USP6NL: variants seen among roughly 807,000 people sequenced by gnomAD.
USP6NL encodes USP6 N-terminal like.
USP6NL carries 26 observed loss-of-function variants against 61.9 expected under a neutral mutation model. The observed-to-expected ratio is 0.42, with a 90% confidence interval of 0.31 to 0.58. The LOEUF (loss-of-function observed/expected upper bound fraction) is 0.58, where lower values mean the gene tolerates loss of function less well. Among genes scored for constraint, USP6NL ranks in the 20% least tolerant of loss-of-function variants. USP6NL has a pLI of 0.16. For missense variants in USP6NL, 1,114 were observed against 1,034.3 expected, an observed-to-expected ratio of 1.08 and a Z score of -1.06; for synonymous variants, 432 against 390.1, an observed-to-expected ratio of 1.11 and a Z score of -1.27.
rs142649349 is a variant in USP6NL at position 11,528,128 on chromosome 10, G to GACACACACAC, written c.5-571_5-562dup. Among the ~76,000 whole-genome samples the GACACACACAC allele has an allele frequency of 4.8e-3, 682 of 142,254 alleles. 2 individuals are homozygous for GACACACACAC. The highest frequency in any genetic ancestry group is 5.2e-3 in the South Asian group (23 of 4,434). The allele number at this position is 142,254 out of a possible 152,430, so 93.3% of individuals were successfully genotyped here. On this transcript the variant is annotated intron_variant, in intron 2 of 14. Coordinates refer to ENST00000609104, the MANE Select transcript of USP6NL (RefSeq NM_014688.5). The surrounding 1 kb of genome is among the most constrained non-coding windows in gnomAD (Gnocchi z 4.6). ...ACATATGTGTGTGGACACACACACAGACACACACACACACACACACACACA... is the reference window on the plus strand; with the variant it reads ...ACATATGTGTGTGGACACACACACAGACACACACACACACACACACACACACACACACACA...
At chr10:11,558,340 T>A (rs528012872) in intron 2 of USP6NL, among the ~76,000 whole-genome samples, 1 of 152,326 alleles carries the variant, frequency 6.6e-6, no homozygotes, top group East Asian at 1.9e-4. Flanking sequence ...TTCTGGCCCT[T>A]ACTAAAAAGG....
At chr10:11,560,716 A>G (rs12221340) in intron 2 of USP6NL, among the ~76,000 whole-genome samples, 1 of 87,960 alleles carries the variant, frequency 1.1e-5, no homozygotes, top group African/African-American at 3.1e-5. Flanking sequence ...TATATATATT[A>G]TATATATATA....
At position 11,532,105 on chromosome 10, in the gene USP6NL, C is replaced by A; in HGVS notation, c.5-4538G>T. 9.0e-7 allele frequency: 1 copy of A among 1,110,954 alleles called. No homozygotes were observed. Among genetic ancestry groups the A allele is most frequent in the Non-Finnish European group, 1.3e-6 (1 of 779,408 alleles). 68.8% of individuals were successfully genotyped at this position (1,110,954 alleles called of 1,614,324 possible). Reference sequence around the variant, plus strand: ...CAATAAAATAAAATTTACAGCAGACCATTTTTCCTAGAGTACATTTTGACA... The same window carrying A: ...CAATAAAATAAAATTTACAGCAGACAATTTTTCCTAGAGTACATTTTGACA... On this transcript the variant is annotated intron_variant, in intron 2 of 14. Coordinates refer to ENST00000609104, the MANE Select transcript of USP6NL (RefSeq NM_014688.5). The surrounding 1 kb of genome is among the most constrained non-coding windows in gnomAD (Gnocchi z 4.1).
Position 11,485,069 on chromosome 10 carries a change from G to C in USP6NL, c.827C>G (p.Thr276Ser), listed in dbSNP as rs1168985765. 1 of 1,542,070 alleles carries C rather than the reference G, an allele frequency of 6.5e-7. No homozygotes were observed. The highest frequency in any genetic ancestry group is 8.7e-7 in the Non-Finnish European group (1 of 1,144,674). ...KWFFQCFLDRTPFTLNLRIWD... is the reference protein window; with the variant it reads ...KWFFQCFLDRSPFTLNLRIWD... ...TATTCTGAGGTTTAGTGTAAAGGGAGTCTACAATTAAAAGCAAAACAAAAC... is the reference window on the plus strand; with the variant it reads ...TATTCTGAGGTTTAGTGTAAAGGGACTCTACAATTAAAAGCAAAACAAAAC... Residue 276 changes from threonine (T) to serine (S), a missense_variant and splice_region_variant, in exon 13 of 15, where the codon ACT (threonine) becomes AGT (serine). Transcript: ENST00000609104. This position sits in a 1 kb window ranked among gnomAD's most constrained non-coding sequence, Gnocchi z 4.8.
At chr10:11,480,940 T>C (rs1487241978) in intron 14 of USP6NL, among the ~76,000 whole-genome samples, 1 of 152,218 alleles carries the variant, frequency 6.6e-6, no homozygotes, top group African/African-American at 2.4e-5. Flanking sequence ...TCAAGTACTA[T>C]CTGGTAGAAA....
intron 2 of USP6NL, among the ~76,000 whole-genome samples, chr10:11,566,228 T>C (rs1258066035): frequency 6.6e-6 from 1 of 151,948 alleles, no homozygotes; most frequent in Non-Finnish European, 1.5e-5. Flanking sequence ...GAAACATGAG[T>C]CTAAACTGTG....
In USP6NL at chr10:11,528,374, A is replaced by G. The variant is rs1835510550; in HGVS notation, c.5-807T>C. 6.6e-6 allele frequency among the ~76,000 whole-genome samples: 1 copy of G among 152,156 alleles called. No individual in the cohort carries two copies. Among genetic ancestry groups the G allele is most frequent in the South Asian group, 2.1e-4 (1 of 4,834 alleles). ...GCAAGAAATTCCTAAAAGTAGCAAC[A>G]GCAGTAACAACTGTAACAACTATAC... On this transcript the variant is annotated intron_variant, in intron 2 of 14. Transcript: ENST00000609104. This position sits in a 1 kb window ranked among gnomAD's most constrained non-coding sequence, Gnocchi z 4.6.
At chr10:11,567,711 TA>T (rs1566186543) in intron 2 of USP6NL, among the ~76,000 whole-genome samples, 1 of 152,174 alleles carries the variant, frequency 6.6e-6, no homozygotes, top group African/African-American at 2.4e-5. Context: ...AGCAACAGAA[TA>T]ACAACAATAA....
In USP6NL at chr10:11,562,436, T is replaced by C. The variant is rs1836979303; in HGVS notation, c.5-34869A>G. Reference sequence around the variant, plus strand: ...CTTGCTTGGCTCTTGGACCTAAGGATGAAGACGCAGCAGTCATCACGTATC... The same window carrying C: ...CTTGCTTGGCTCTTGGACCTAAGGACGAAGACGCAGCAGTCATCACGTATC... On this transcript the variant is annotated intron_variant, in intron 2 of 14. Transcript: ENST00000609104. This position sits in a 1 kb window ranked among gnomAD's most constrained non-coding sequence, Gnocchi z 4.8. 3.0e-6 allele frequency: 3 copies of C among 985,354 alleles called. No individual in the cohort carries two copies. The highest frequency in any genetic ancestry group is 1.2e-6 in the Non-Finnish European group (1 of 829,930). 61.0% of individuals were successfully genotyped at this position (985,354 alleles called of 1,614,324 possible).
chr10:11,579,888 T>C (rs1837682754), intron 2 of USP6NL, among the ~76,000 whole-genome samples: 1 of 147,474 alleles, frequency 6.8e-6, no homozygotes, highest in Non-Finnish European at 1.5e-5. Context: ...ACACAGACAA[T>C]ACACACATGA....
chr10:11,521,387 A>T (rs780738011), intron 4 of USP6NL, among the ~76,000 whole-genome samples: 13,109 of 126,168 alleles, frequency 0.1, 676 homozygotes, highest in South Asian at 0.25. Context: ...ATTTTTTTTT[A>T]AATTTTTTTT....
chr10:11,582,246 G>A (rs1231852165), intron 2 of USP6NL, among the ~76,000 whole-genome samples: 3 of 152,144 alleles, frequency 2.0e-5, no homozygotes, highest in African/African-American at 7.2e-5. Context: ...GATTACAGGC[G>A]TAAGCAACCA....
Position 11,525,691 on chromosome 10 carries a change from T to C in USP6NL, c.73-223A>G, listed in dbSNP as rs1197979417. Among the ~76,000 whole-genome samples, 1 of 152,218 alleles carries C rather than the reference T, an allele frequency of 6.6e-6. No homozygotes were observed. Among genetic ancestry groups the C allele is most frequent in the Non-Finnish European group, 1.5e-5 (1 of 68,040 alleles). On this transcript the variant is annotated intron_variant, in intron 3 of 14. Transcript: ENST00000609104. This position sits in a 1 kb window ranked among gnomAD's most constrained non-coding sequence, Gnocchi z 5.0. ...AGTTATGACTCTGGAAGATGCTGTG[T>C]GTCAGCAGCAGCTGACGCGGAGCTG...
intron 2 of USP6NL, among the ~76,000 whole-genome samples, chr10:11,568,839 T>C (rs1837261369): frequency 6.6e-6 from 1 of 152,178 alleles, no homozygotes; most frequent in Non-Finnish European, 1.5e-5. Flanking sequence ...AAAGCAGAGG[T>C]GACAACTGTC....
intron 2 of USP6NL, among the ~76,000 whole-genome samples, chr10:11,594,289 AACTC>A (rs1838250862): frequency 6.6e-6 from 1 of 152,216 alleles, no homozygotes; most frequent in East Asian, 1.9e-4. Flanking sequence ...AAAGAAATGT[AACTC>A]AGTCTGATTC....
At position 11,461,656 on chromosome 10, in the gene USP6NL, T is replaced by C. The variant is rs1230037995; in HGVS notation, c.*785A>G. 6.6e-6 allele frequency: 1 copy of C among 152,198 alleles called. No individual in the cohort carries two copies. Among genetic ancestry groups the C allele is most frequent in the Non-Finnish European group, 1.5e-5 (1 of 68,038 alleles). 9.4% of individuals were successfully genotyped at this position (152,198 alleles called of 1,614,324 possible). A position where few individuals can be genotyped will look rare whatever the true frequency, so the allele number is the denominator to read the frequency against. On this transcript the variant is annotated 3_prime_UTR_variant, in exon 15 of 15. Coordinates refer to ENST00000609104, the MANE Select transcript of USP6NL (RefSeq NM_014688.5). Reference sequence around the variant, plus strand: ...GCACAAACGCACTAAGACCAATCTCTTAGTATGTGGATGTGATAAGCACTG... The same window carrying C: ...GCACAAACGCACTAAGACCAATCTCCTAGTATGTGGATGTGATAAGCACTG...
rs77299530 is a variant in USP6NL, at chr10:11,597,355, G to T, written c.4+276C>A. Among the ~76,000 whole-genome samples, 3 of 152,118 alleles carry T rather than the reference G, an allele frequency of 2.0e-5. No homozygotes were observed. The highest frequency in any genetic ancestry group is 4.4e-5 in the Non-Finnish European group (3 of 68,016). On this transcript the variant is annotated intron_variant, in intron 2 of 14. Coordinates refer to ENST00000609104, the MANE Select transcript of USP6NL (RefSeq NM_014688.5). The surrounding 1 kb of genome is among the most constrained non-coding windows in gnomAD (Gnocchi z 4.6). The stretch of plus-strand genomic sequence containing the variant: ...ATTTCTGAAGAACCGTTTTCCAATG[G>T]CAAGTCAATAGAAAATTTTAGATCA...
Position 11,537,563 on chromosome 10 carries a change from T to A in USP6NL, c.5-9996A>T, listed in dbSNP as rs1835881881. On this transcript the variant is annotated intron_variant, in intron 2 of 14. Coordinates refer to ENST00000609104, the MANE Select transcript of USP6NL (RefSeq NM_014688.5). This position sits in a 1 kb window ranked among gnomAD's most constrained non-coding sequence, Gnocchi z 5.1. ...ATATTTCTCGTATCACCAATAGCAT[T>A]ATTACCATTATTTCCACTGTATCAT... Among the ~76,000 whole-genome samples the A allele has an allele frequency of 6.6e-6, 1 of 152,230 alleles. No individual in the cohort carries two copies. The highest frequency in any genetic ancestry group is 2.1e-4 in the South Asian group (1 of 4,836).
chr10:11,555,757 TAGC>T (rs1165041274), intron 2 of USP6NL, among the ~76,000 whole-genome samples: 1 of 151,994 alleles, frequency 6.6e-6, no homozygotes, highest in African/African-American at 2.4e-5. Context: ...AATCTTAAAA[TAGC>T]AGTCCAAGAA....
Sources: allele counts gnomAD v4.1 joint callset (sites outside exome capture counted in the v4.1 genomes callset), GRCh38; gene constraint gnomAD v4.1.1; non-coding constraint Gnocchi (gnomAD v3.1); transcripts MANE v1.5; gene names NCBI Gene and HGNC (gene_info 2026-07-23, HGNC 2026-07-21).